The following CD109 variants were observed in gnomAD, a reference collection of about 807,000 sequenced individuals.
CD109 encodes the protein CD109 antigen.
CD109 carries 149 observed loss-of-function variants against 165.8 expected under a neutral mutation model. That is an observed-to-expected ratio of 0.90 (90% confidence interval 0.79 to 1.03). CD109 has a LOEUF of 1.03. CD109 is among the 50% of genes least tolerant of loss of function. The pLI is 0.00. For synonymous variants in CD109, 585 were observed against 592.1 expected (o/e 0.99, Z 0.18); for missense variants, 1,712 against 1,677.8 (o/e 1.02, Z -0.36).
intron 23 of CD109, among the ~76,000 whole-genome samples, chr6:73,794,680 GA>G (rs1313706988): frequency 7.2e-5 from 11 of 152,150 alleles, no homozygotes; most frequent in Non-Finnish European, 2.9e-5. Context: ...AATCAGGGCT[GA>G]GTGTGGCCTG....
chr6:73,765,744 A>G (rs149470612), intron 10 of CD109, among the ~76,000 whole-genome samples, 186 bp from the exon 11 acceptor site: 5 of 152,316 alleles, frequency 3.3e-5, no homozygotes, highest in African/African-American at 1.2e-4. Flanking sequence ...AAGGGAATCC[A>G]TAATATTAAC....
At chr6:73,819,049 G>T (rs1776030438) in intron 31 of CD109, among the ~76,000 whole-genome samples, 1 of 152,176 alleles carries the variant, frequency 6.6e-6, no homozygotes, top group Non-Finnish European at 1.5e-5. Flanking sequence ...TGCCCAGGCT[G>T]GTTTTGAACT....
chr6:73,707,962 T>TTATATTTA, intron 2 of CD109, among the ~76,000 whole-genome samples: 1 of 126,798 alleles, frequency 7.9e-6, no homozygotes, highest in South Asian at 2.6e-4. Flanking sequence ...ATTGTTATCT[T>TTATATTTA]TATATATATA....
intron 3 of CD109, among the ~76,000 whole-genome samples, chr6:73,729,471 T>C (rs1162907617): frequency 6.7e-6 from 1 of 149,256 alleles, no homozygotes; most frequent in Non-Finnish European, 1.5e-5. Context: ...CTGCTAATGC[T>C]AGAAGGTAGG....
At chr6:73,780,229 AAAGT>A (rs1415144481) in intron 15 of CD109, among the ~76,000 whole-genome samples, 191 bp from the exon 16 acceptor site, 2 of 152,226 alleles carry the variant, frequency 1.3e-5, no homozygotes, top group African/African-American at 4.8e-5. Flanking sequence ...GAACAGAGTA[AAAGT>A]AAGTATAAGT....
In CD109 at chr6:73,766,009, G is replaced by T. The variant is rs1331123118; in HGVS notation, c.1187G>T (p.Arg396Ile). Residue 396 changes from arginine to isoleucine, a missense_variant, in exon 11 of 33, where the codon AGA becomes ATA. Coordinates refer to ENST00000287097, the MANE Select transcript of CD109 (RefSeq NM_133493.5). ...AATGTAGTCATAACAGTGACACAGA[G>T]AAACTATACTGAGTACTGGAGCGGA... is the stretch of plus-strand genomic sequence containing the variant. ...RNNVVITVTQ[R>I]NYTEYWSGSN... 1.2e-6 allele frequency: 2 copies of T among 1,614,084 alleles called. No homozygotes were observed. The highest frequency in any genetic ancestry group is 2.2e-5 in the East Asian group (1 of 44,874).
At position 73,815,012 on chromosome 6, in the gene CD109, G is replaced by A; in HGVS notation, c.3800G>A (p.Gly1267Glu). 6.3e-7 allele frequency: 1 copy of A among 1,574,908 alleles called. No homozygotes were observed. Among genetic ancestry groups the A allele is most frequent in the Non-Finnish European group, 8.6e-7 (1 of 1,167,496 alleles). ...LNVVYNVKAS[G>E]SSRRRRSIQN... is the part of the protein sequence containing the mutation. ...GTTGTATATAATGTGAAGGCTTCTG[G>A]GTCTTCTAGAAGACGAAGATCTATC... Residue 1267 changes from glycine (G) to glutamate (E), a missense_variant, in exon 30 of 33, where the codon GGG becomes GAG. Gly to Glu is a moderately conservative substitution (Grantham distance 98, BLOSUM62 -2). Coordinates refer to ENST00000287097, the MANE Select transcript of CD109 (RefSeq NM_133493.5).
chr6:73,774,976 A>G (rs1199685688), intron 15 of CD109, among the ~76,000 whole-genome samples: 1 of 151,794 alleles, frequency 6.6e-6, no homozygotes, highest in African/African-American at 2.4e-5. Context: ...TGTGTTGTCA[A>G]TAGCCTCTTG....
chr6:73,732,151 C>G (rs764300404), intron 4 of CD109, among the ~76,000 whole-genome samples: 89 of 152,312 alleles, frequency 5.8e-4, no homozygotes, highest in Non-Finnish European at 1.0e-3. Flanking sequence ...TGAAAAGTCT[C>G]TGGTCCTGGG....
At chr6:73,795,705 A>G (rs1395290076) in intron 23 of CD109, among the ~76,000 whole-genome samples, 1 of 152,184 alleles carries the variant, frequency 6.6e-6, no homozygotes, top group African/African-American at 2.4e-5. Context: ...CTTGGGAGGA[A>G]GTAGATCAGG....
intron 6 of CD109, among the ~76,000 whole-genome samples, chr6:73,757,011 TA>T (rs759523398): frequency 2.5e-4 from 38 of 152,334 alleles, no homozygotes; most frequent in Non-Finnish European, 4.7e-4. Context: ...TTCTCTTCCA[TA>T]TTTTTCATTT....
chr6:73,818,216 C>T (rs931609009), intron 30 of CD109, among the ~76,000 whole-genome samples, 172 bp from the exon 31 acceptor site: 3 of 152,162 alleles, frequency 2.0e-5, no homozygotes, highest in Non-Finnish European at 1.5e-5. Flanking sequence ...AAGATTACCA[C>T]ACATGTAAGA....
chr6:73,813,906 G>A (rs1220438992), intron 29 of CD109, among the ~76,000 whole-genome samples: 2 of 152,054 alleles, frequency 1.3e-5, no homozygotes, highest in African/African-American at 2.4e-5. Context: ...ATAATAGAAA[G>A]CATTTCTCCA....
chr6:73,815,027 G>A lies in CD109; in HGVS notation c.3815G>A (p.Arg1272Gln), dbSNP rs746921477. Residue 1272 changes from arginine to glutamine, a missense_variant, in exon 30 of 33, where the codon CGA (arginine) becomes CAA (glutamine). Coordinates refer to ENST00000287097, the MANE Select transcript of CD109 (RefSeq NM_133493.5). ...AAGGCTTCTGGGTCTTCTAGAAGAC[G>A]AAGATCTATCCAAAATCAAGAAGCC... Reference protein sequence around the residue: ...NVKASGSSRRRRSIQNQEAFD... With the variant: ...NVKASGSSRRQRSIQNQEAFD... 8.8e-6 allele frequency: 14 copies of A among 1,583,220 alleles called. No homozygotes were observed. Among genetic ancestry groups the A allele is most frequent in the South Asian group, 1.2e-5 (1 of 84,698 alleles).
chr6:73,760,686 A>G (rs570402872), intron 7 of CD109, among the ~76,000 whole-genome samples: 140 of 151,948 alleles, frequency 9.2e-4, no homozygotes, highest in African/African-American at 3.0e-3. Flanking sequence ...TTTCTACTGA[A>G]AATACAAAAA....
chr6:73,813,699 C>G lies in CD109; in HGVS notation c.3769-1282C>G, dbSNP rs140710415. Among the ~76,000 whole-genome samples the G allele has an allele frequency of 3.7e-3, 566 of 152,206 alleles. 1 individual carries two copies. The highest frequency in any genetic ancestry group is 5.8e-3 in the Non-Finnish European group (392 of 67,988). ...CTCTTTTGGGTAATAAAATACTAAA[C>G]TGTTGGAAATAAACTGCAAGATCTT... On this transcript the variant is annotated intron_variant, in intron 29 of 32. Transcript: ENST00000287097.
intron 24 of CD109, among the ~76,000 whole-genome samples, chr6:73,804,439 C>A (rs1472918295): frequency 6.6e-6 from 1 of 152,196 alleles, no homozygotes; most frequent in Non-Finnish European, 1.5e-5. Flanking sequence ...CACGTAGAGT[C>A]TCCGTTGCAT....
intron 2 of CD109, among the ~76,000 whole-genome samples, chr6:73,705,447 C>T (rs561085386): frequency 6.6e-6 from 1 of 152,072 alleles, no homozygotes; most frequent in South Asian, 2.1e-4. Context: ...TGAAATCAGC[C>T]TGGACAACAT....
intron 6 of CD109, among the ~76,000 whole-genome samples, chr6:73,757,745 T>C (rs1246410057): frequency 6.6e-6 from 1 of 152,278 alleles, no homozygotes; most frequent in East Asian, 1.9e-4. Flanking sequence ...GAAAAGATAC[T>C]ATTTTAGATA....
Sources: gnomAD v4.1 joint callset for allele counts (sites outside exome capture counted in the v4.1 genomes callset) on GRCh38, gnomAD v4.1.1 for gene constraint, MANE v1.5 for transcripts, NCBI Gene and HGNC (gene_info 2026-07-23, HGNC 2026-07-21) for gene names.